The following LRRIQ3 variants were observed in gnomAD, a reference collection of about 807,000 sequenced individuals.
The protein encoded by LRRIQ3 is leucine rich repeats and IQ motif containing 3, also known as leucine-rich repeat and IQ domain-containing protein 3.
In LRRIQ3, 75 loss-of-function variants were observed where a neutral mutation model predicts 59.3. That is an observed-to-expected ratio of 1.26 (90% confidence interval 1.05 to 1.53). LRRIQ3 has a LOEUF of 1.53. LRRIQ3 is among the 40% of genes most tolerant of loss of function. LRRIQ3 has a pLI of 0.00. For synonymous variants in LRRIQ3, 250 were observed against 231.3 expected, an observed-to-expected ratio of 1.08 and a Z score of -0.73; for missense variants, 831 against 710.0, an observed-to-expected ratio of 1.17 and a Z score of -1.94.
intron 7 of LRRIQ3, among the ~76,000 whole-genome samples, chr1:74,035,643 G>A (rs966537043): frequency 2.0e-5 from 3 of 152,078 alleles, no homozygotes; most frequent in African/African-American, 7.2e-5. Flanking sequence ...AAGTTTTATG[G>A]TAAAATACAT....
intron 5 of LRRIQ3, chr1:74,083,880 T>A (rs1466937184): frequency 3.7e-6 from 1 of 272,774 alleles, no homozygotes; most frequent in Non-Finnish European, 6.8e-6. Context: ...GCATTAGCAG[T>A]CTCTGCAAAG....
intron 5 of LRRIQ3, among the ~76,000 whole-genome samples, chr1:74,108,708 T>C (rs923171039): frequency 6.6e-6 from 1 of 151,804 alleles, no homozygotes; most frequent in Non-Finnish European, 1.5e-5. Context: ...TAAGTATTCA[T>C]TTCTACCATT....
chr1:74,144,269 T>C (rs1647411534), intron 4 of LRRIQ3: 2 of 172,222 alleles, frequency 1.2e-5, no homozygotes, highest in South Asian at 2.6e-4. Flanking sequence ...GCAACCATAT[T>C]TGGCATAATC....
intron 6 of LRRIQ3, among the ~76,000 whole-genome samples, chr1:74,058,759 G>C (rs558265788): frequency 8.5e-5 from 13 of 152,082 alleles, no homozygotes; most frequent in Admixed American, 7.9e-4. Flanking sequence ...TGTTTGAGGC[G>C]ATGAATATTC....
At chr1:74,185,665 C>T (rs1370143342) in intron 1 of LRRIQ3, among the ~76,000 whole-genome samples, 2 of 152,142 alleles carry the variant, frequency 1.3e-5, no homozygotes, top group South Asian at 2.1e-4. Context: ...TTGAAAGGGC[C>T]GGGCGCAGTG....
At chr1:74,137,589 T>C (rs556179101) in intron 4 of LRRIQ3, among the ~76,000 whole-genome samples, 10 of 152,102 alleles carry the variant, frequency 6.6e-5, no homozygotes, top group African/African-American at 2.2e-4. Flanking sequence ...AATCCCATTA[T>C]GGAGTATAAA....
chr1:74,086,417 C>A (rs1466058350), intron 5 of LRRIQ3, among the ~76,000 whole-genome samples: 1 of 152,098 alleles, frequency 6.6e-6, no homozygotes, highest in Non-Finnish European at 1.5e-5. Context: ...TTGCTCAACT[C>A]TTTCTTGCCA....
chr1:74,050,416 G>C (rs1654337607), intron 6 of LRRIQ3: 1 of 596,954 alleles, frequency 1.7e-6, no homozygotes, highest in Admixed American at 6.4e-5. Context: ...CTCAACTTAA[G>C]AGCAAAACAA....
intron 6 of LRRIQ3, among the ~76,000 whole-genome samples, chr1:74,044,248 C>A (rs1654132552): frequency 1.3e-5 from 2 of 152,054 alleles, no homozygotes; most frequent in Non-Finnish European, 2.9e-5. Flanking sequence ...ATGTGTGTCC[C>A]CTCCAAATCC....
At chr1:74,175,560 CAAGTA>C (rs1455030848) in intron 3 of LRRIQ3, among the ~76,000 whole-genome samples, 1 of 152,152 alleles carries the variant, frequency 6.6e-6, no homozygotes, top group Non-Finnish European at 1.5e-5. Context: ...AAGGGTGACA[CAAGTA>C]AAGTAAAATT....
At chr1:74,130,689 C>A (rs111523861) in intron 4 of LRRIQ3, among the ~76,000 whole-genome samples, 1 of 151,972 alleles carries the variant, frequency 6.6e-6, no homozygotes, top group African/African-American at 2.4e-5. Flanking sequence ...TTCTACGGTG[C>A]GTTACCTCTT....
intron 3 of LRRIQ3, among the ~76,000 whole-genome samples, chr1:74,172,852 G>A (rs530859107): frequency 6.6e-6 from 1 of 152,098 alleles, no homozygotes; most frequent in Admixed American, 6.5e-5. Context: ...TTTAATTAAA[G>A]CCTACTTTTT....
chr1:74,067,571 G>C (rs187096868), intron 6 of LRRIQ3, among the ~76,000 whole-genome samples: 1 of 152,148 alleles, frequency 6.6e-6, no homozygotes, highest in Non-Finnish European at 1.5e-5. Context: ...TAAAATTATA[G>C]ATATCTGATC....
chr1:74,077,632 T>C (rs1373087180), intron 5 of LRRIQ3, among the ~76,000 whole-genome samples: 1 of 152,018 alleles, frequency 6.6e-6, no homozygotes, highest in Non-Finnish European at 1.5e-5. Context: ...CTGGCTGTCA[T>C]TGCTTGCCAC....
At chr1:74,123,406 C>T (rs187043401) in intron 4 of LRRIQ3, among the ~76,000 whole-genome samples, 1 of 152,072 alleles carries the variant, frequency 6.6e-6, no homozygotes, top group East Asian at 1.9e-4. Context: ...TTCATTACAT[C>T]TAACTGTATT....
intron 5 of LRRIQ3, among the ~76,000 whole-genome samples, chr1:74,075,870 G>A (rs942705400): frequency 6.6e-6 from 1 of 152,104 alleles, no homozygotes; most frequent in Non-Finnish European, 1.5e-5. Context: ...AGCTACTAGA[G>A]CTCCAAACAC....
chr1:74,109,389 C>G lies in LRRIQ3; in HGVS notation c.867+5G>C. 1 of 1,475,076 alleles carries G rather than the reference C, an allele frequency of 6.8e-7. No homozygotes were observed. Among genetic ancestry groups the G allele is most frequent in the Non-Finnish European group, 9.2e-7 (1 of 1,084,140 alleles). The allele number at this position is 1,475,076 out of a possible 1,614,324, so 91.4% of individuals were successfully genotyped here. The stretch of plus-strand genomic sequence containing the variant: ...AAATAAAAATAATAAACTAATTATA[C>G]TTACATGTTTCCAATATGCAAGCTT... On this transcript the variant is annotated splice_donor_5th_base_variant and intron_variant, in intron 5 of 7. Transcript: ENST00000354431.
At chr1:74,171,134 A>G (rs1051086651) in intron 3 of LRRIQ3, among the ~76,000 whole-genome samples, 6 of 152,106 alleles carry the variant, frequency 3.9e-5, no homozygotes, top group African/African-American at 1.2e-4. Flanking sequence ...CCTAACTTTC[A>G]TGGCATTTAT....
chr1:74,072,427 C>A (rs1261167020), intron 6 of LRRIQ3, among the ~76,000 whole-genome samples: 1 of 151,772 alleles, frequency 6.6e-6, no homozygotes, highest in African/African-American at 2.4e-5. Flanking sequence ...AATTTAAGGA[C>A]CATAGATGGG....
Sources: gnomAD v4.1 joint callset for allele counts (sites outside exome capture counted in the v4.1 genomes callset) on GRCh38, gnomAD v4.1.1 for gene constraint, MANE v1.5 for transcripts, NCBI Gene and HGNC (gene_info 2026-07-23, HGNC 2026-07-21) for gene names.